The following SNX13 variants were observed in gnomAD, a reference collection of about 807,000 sequenced individuals.
SNX13 encodes the protein sorting nexin-13.
A neutral mutation model predicts 133.6 loss-of-function variants in SNX13; 45 were observed. The ratio of observed to expected loss-of-function variants is 0.34; its 90% CI spans 0.27 to 0.43. SNX13 has a LOEUF of 0.43. Ranked by LOEUF, SNX13 falls within the 20% of genes least tolerant of loss-of-function variation. The pLI, the probability that SNX13 is intolerant of heterozygous loss-of-function variation, is 1.00. For missense variants in SNX13, 1,032 were observed against 1,145.1 expected, an observed-to-expected ratio of 0.90 and a Z score of 1.43; for synonymous variants, 414 against 373.9, an observed-to-expected ratio of 1.11 and a Z score of -1.24.
At chr7:17,887,387 T>G (rs971734647) in intron 5 of SNX13, among the ~76,000 whole-genome samples, 1 of 152,162 alleles carries the variant, frequency 6.6e-6, no homozygotes, top group African/African-American at 2.4e-5. Flanking sequence ...ATTCATTCCC[T>G]AAGGCTCCCG....
Position 17,798,685 on chromosome 7 carries a change from T to G in SNX13, c.2513+5A>C, listed in dbSNP as rs1356994282. On this transcript the variant is annotated splice_donor_5th_base_variant and intron_variant, in intron 24 of 25. Coordinates refer to ENST00000428135, the MANE Select transcript of SNX13 (RefSeq NM_015132.5). The stretch of plus-strand genomic sequence containing the variant: ...TGAAAGAAGTGACTGTGTCTTAAGA[T>G]ATACCTGAAACGTTTCACTGAGTCG... 1 of 1,568,770 alleles carries G rather than the reference T, an allele frequency of 6.4e-7. No individual in the cohort carries two copies. Among genetic ancestry groups the G allele is most frequent in the Non-Finnish European group, 8.7e-7 (1 of 1,155,272 alleles).
chr7:17,842,671 T>C (rs1023503315), intron 12 of SNX13, among the ~76,000 whole-genome samples: 1 of 152,048 alleles, frequency 6.6e-6, no homozygotes, highest in African/African-American at 2.4e-5. Flanking sequence ...GCCAGAAATA[T>C]TGTACTTTGT....
chr7:17,838,109 A>T (rs1265646986), intron 13 of SNX13, among the ~76,000 whole-genome samples: 4 of 152,006 alleles, frequency 2.6e-5, no homozygotes, highest in Non-Finnish European at 5.9e-5. Context: ...ACTTAAAAAA[A>T]TATGATTTTA....
At chr7:17,933,915 G>A (rs1375215127) in intron 1 of SNX13, among the ~76,000 whole-genome samples, 1 of 151,900 alleles carries the variant, frequency 6.6e-6, no homozygotes, top group Non-Finnish European at 1.5e-5. Flanking sequence ...CAGCAAGAAA[G>A]GTGCTATTAC....
chr7:17,826,872 T>C (rs1333623319), intron 16 of SNX13, among the ~76,000 whole-genome samples: 2 of 152,098 alleles, frequency 1.3e-5, no homozygotes, highest in African/African-American at 2.4e-5. Flanking sequence ...AGAGTTAACA[T>C]GGCAGCCTGA....
intron 19 of SNX13, among the ~76,000 whole-genome samples, chr7:17,815,443 G>C (rs1467083405): frequency 6.6e-6 from 1 of 152,090 alleles, no homozygotes. Flanking sequence ...ACATTAGCCA[G>C]GCACAGTGGC....
chr7:17,880,795 A>C (rs1288787149), intron 5 of SNX13: 1 of 152,244 alleles, frequency 6.6e-6, no homozygotes, highest in Non-Finnish European at 1.5e-5. Flanking sequence ...ACACACACAA[A>C]GACTATAGAT....
chr7:17,873,207 C>T (rs1794318214), intron 8 of SNX13, among the ~76,000 whole-genome samples: 1 of 152,180 alleles, frequency 6.6e-6, no homozygotes, highest in Non-Finnish European at 1.5e-5. Flanking sequence ...CCTTTCAACA[C>T]CATTTTCATA....
intron 9 of SNX13, among the ~76,000 whole-genome samples, chr7:17,859,453 A>G (rs1159799641): frequency 1.3e-5 from 2 of 152,150 alleles, no homozygotes; most frequent in Non-Finnish European, 2.9e-5. Context: ...CCAGAACTGT[A>G]AAATACTGCT....
chr7:17,805,254 T>TGCGC (rs56000068), intron 20 of SNX13, among the ~76,000 whole-genome samples: 2,233 of 132,504 alleles, frequency 0.017, 96 homozygotes, highest in East Asian at 0.065. Flanking sequence ...TGTGTGTGCG[T>TGCGC]GCGCGCGCGC....
At chr7:17,801,320 C>T (rs983713410) in intron 22 of SNX13, among the ~76,000 whole-genome samples, 3 of 151,358 alleles carry the variant, frequency 2.0e-5, no homozygotes, top group African/African-American at 7.3e-5. Context: ...AGTATAAAAG[C>T]AGAGTAGAAG....
intron 1 of SNX13, among the ~76,000 whole-genome samples, chr7:17,902,896 A>G (rs1164690608): frequency 1.3e-5 from 2 of 152,122 alleles, no homozygotes; most frequent in Non-Finnish European, 2.9e-5. Flanking sequence ...TGAACTGTGC[A>G]TGTGAGGGCT....
At chr7:17,835,545 G>GA (rs1312727199) in intron 13 of SNX13, among the ~76,000 whole-genome samples, 3 of 151,910 alleles carry the variant, frequency 2.0e-5, no homozygotes, top group Non-Finnish European at 4.4e-5. Context: ...TTTATTAAAA[G>GA]AAAAAATGCT....
chr7:17,894,665 T>C (rs1797009485), intron 2 of SNX13, among the ~76,000 whole-genome samples: 1 of 152,188 alleles, frequency 6.6e-6, no homozygotes, highest in Admixed American at 6.5e-5. Context: ...TTCATAGATT[T>C]TAAATTTACC....
intron 18 of SNX13, among the ~76,000 whole-genome samples, chr7:17,818,271 C>T (rs1419281276): frequency 6.6e-6 from 1 of 152,004 alleles, no homozygotes; most frequent in Non-Finnish European, 1.5e-5. Context: ...CCCTACCAAA[C>T]TAATATACCA....
intron 5 of SNX13, chr7:17,879,686 C>G (rs1411083154): frequency 6.6e-6 from 1 of 152,224 alleles, no homozygotes; most frequent in Admixed American, 6.5e-5. Context: ...CTTGTTCCAT[C>G]TATTCTAAGC....
intron 8 of SNX13, among the ~76,000 whole-genome samples, chr7:17,870,762 T>C (rs949657877): frequency 3.9e-5 from 6 of 152,216 alleles, no homozygotes; most frequent in African/African-American, 1.4e-4. Flanking sequence ...ATAATCTCTG[T>C]CCTCATTAGA....
In SNX13 at chr7:17,792,298, GAAA is replaced by G. The variant is rs1224557380; in HGVS notation, c.*1744_*1746del. 2 of 151,886 alleles carry G rather than the reference GAAA, an allele frequency of 1.3e-5. No homozygotes were observed. Among genetic ancestry groups the G allele is most frequent in the African/African-American group, 4.8e-5 (2 of 41,394 alleles). 9.4% of individuals were successfully genotyped at this position (151,886 alleles called of 1,614,324 possible). ...AGGCAGGGAGACACCCTGAGAAGAAGAAATACTATTTCTTCCACCAGAGCCACT... is the reference window on the plus strand; with the variant it reads ...AGGCAGGGAGACACCCTGAGAAGAAGTACTATTTCTTCCACCAGAGCCACT... On this transcript the variant is annotated 3_prime_UTR_variant, in exon 26 of 26. Transcript: ENST00000428135.
At chr7:17,915,445 G>A (rs1457844479) in intron 1 of SNX13, among the ~76,000 whole-genome samples, 1 of 152,166 alleles carries the variant, frequency 6.6e-6, no homozygotes, top group Non-Finnish European at 1.5e-5. Context: ...TTCCTATATT[G>A]TAAGCCCGTC....
Sources: allele counts gnomAD v4.1 joint callset (sites outside exome capture counted in the v4.1 genomes callset), GRCh38; gene constraint gnomAD v4.1.1; transcripts MANE v1.5; gene names NCBI Gene and HGNC (gene_info 2026-07-23, HGNC 2026-07-21).